GAS2L3: variants seen among roughly 807,000 people sequenced by gnomAD.
GAS2L3 encodes the protein GAS2-like protein 3.
A neutral mutation model predicts 37.0 loss-of-function variants in GAS2L3; 28 were observed. The observed-to-expected ratio is 0.76, with a 90% CI of 0.56 to 1.04. GAS2L3 has a LOEUF of 1.04. GAS2L3 is among the 50% of genes least tolerant of loss of function. The pLI is 0.00. For missense variants in GAS2L3, 793 were observed against 817.6 expected (o/e 0.97, Z 0.37); for synonymous variants, 290 against 296.6 (o/e 0.98, Z 0.23).
At chr12:100,574,428 C>A (rs981210398) in intron 1 of GAS2L3, among the ~76,000 whole-genome samples, 55 of 152,302 alleles carry the variant, frequency 3.6e-4, no homozygotes, top group African/African-American at 1.2e-3. Context: ...CCGCCCACAA[C>A]CCTCAGTTTG....
chr12:100,588,347 C>G (rs926886981), intron 1 of GAS2L3, among the ~76,000 whole-genome samples: 2 of 152,142 alleles, frequency 1.3e-5, no homozygotes, highest in Admixed American at 1.3e-4. Context: ...GTGATGCCCT[C>G]CTGAGTCTCA....
intron 1 of GAS2L3, among the ~76,000 whole-genome samples, chr12:100,589,920 A>G (rs1457565432): frequency 6.6e-6 from 1 of 152,236 alleles, no homozygotes; most frequent in African/African-American, 2.4e-5. Flanking sequence ...CTCAAGATGG[A>G]TTAAGGATTT....
At chr12:100,618,188 T>C (rs1436229938) in intron 7 of GAS2L3, among the ~76,000 whole-genome samples, 1 of 152,150 alleles carries the variant, frequency 6.6e-6, no homozygotes, top group Non-Finnish European at 1.5e-5. Flanking sequence ...ACTCAGCAGC[T>C]GATTCGAAAG....
chr12:100,579,542 G>A (rs909740237), intron 1 of GAS2L3: 132 of 774,198 alleles, frequency 1.7e-4, no homozygotes, highest in Non-Finnish European at 6.3e-5. Flanking sequence ...AGGGACCAAA[G>A]AGAATCATTT....
chr12:100,622,576 T>TTA (rs1555203997), intron 9 of GAS2L3, among the ~76,000 whole-genome samples, 194 bp downstream of exon 9: 1 of 150,840 alleles, frequency 6.6e-6, no homozygotes, highest in African/African-American at 2.4e-5. Context: ...TAAACACTCA[T>TTA]CACAGCAAAC....
intron 8 of GAS2L3, among the ~76,000 whole-genome samples, chr12:100,619,150 C>G (rs1029962396): frequency 6.6e-6 from 1 of 151,344 alleles, no homozygotes; most frequent in Non-Finnish European, 1.5e-5. Flanking sequence ...GTATATTGAT[C>G]CTTGCAGAAT....
chr12:100,575,668 CG>C (rs1252470720), intron 1 of GAS2L3, among the ~76,000 whole-genome samples: 1 of 151,702 alleles, frequency 6.6e-6, no homozygotes, highest in African/African-American at 2.4e-5. Context: ...TTGGTAGACA[CG>C]GGGTTTCACC....
intron 1 of GAS2L3, among the ~76,000 whole-genome samples, chr12:100,581,817 C>T (rs566329085): frequency 9.2e-5 from 14 of 152,130 alleles, no homozygotes; most frequent in African/African-American, 2.6e-4. Flanking sequence ...GGCATACCAC[C>T]GTTTTTTCCT....
intron 1 of GAS2L3, among the ~76,000 whole-genome samples, chr12:100,586,138 A>G (rs924880505): frequency 2.6e-5 from 4 of 152,220 alleles, no homozygotes; most frequent in Admixed American, 2.0e-4. Flanking sequence ...AGGGACTTCA[A>G]TAAACCACTG....
rs778333235 is a variant in GAS2L3, at chr12:100,601,690, A to G, written c.240A>G (p.Leu80=). The G allele has an allele frequency of 3.1e-6, 5 of 1,605,420 alleles. No individual in the cohort carries two copies. The highest frequency in any genetic ancestry group is 1.3e-5 in the African/African-American group (1 of 74,826). The part of the protein sequence containing the change: ...KLLEELDNGV[L]LCQLIDVLQN... ...TGGAAGAACTTGATAATGGAGTACT[A>G]TTATGTCAACTGATTGATGTTCTTC... is the stretch of plus-strand genomic sequence containing the variant. The change falls in exon 5 of 10, where the codon CTA becomes CTG. Residue 80 remains leucine, a synonymous_variant. Coordinates refer to ENST00000547754, the MANE Select transcript of GAS2L3 (RefSeq NM_174942.3).
At chr12:100,585,534 G>A (rs372146734) in intron 1 of GAS2L3, among the ~76,000 whole-genome samples, 8 of 152,050 alleles carry the variant, frequency 5.3e-5, no homozygotes, top group African/African-American at 1.4e-4. Flanking sequence ...GATTACAGGC[G>A]TGAGCCACCA....
chr12:100,606,762 A>T (rs1414133848), intron 5 of GAS2L3, among the ~76,000 whole-genome samples: 1 of 152,092 alleles, frequency 6.6e-6, no homozygotes, highest in Non-Finnish European at 1.5e-5. Flanking sequence ...AAGAAAACTA[A>T]TAAAAACTCT....
At chr12:100,619,084 GTGTT>G (rs1390102736) in intron 8 of GAS2L3, among the ~76,000 whole-genome samples, 1 of 152,030 alleles carries the variant, frequency 6.6e-6, no homozygotes, top group Non-Finnish European at 1.5e-5. Flanking sequence ...GAATTAGTGA[GTGTT>G]TGTGTGTGAG....
At position 100,622,352 on chromosome 12, in the gene GAS2L3, C is replaced by T. The variant is rs1360829891; in HGVS notation, c.726C>T (p.Tyr242=). The T allele has an allele frequency of 7.0e-6, 11 of 1,582,540 alleles. No homozygotes were observed. The highest frequency in any genetic ancestry group is 8.7e-6 in the Non-Finnish European group (10 of 1,152,692). The change falls in exon 9 of 10, where the codon TAC becomes TAT. Residue 242 remains tyrosine, a synonymous_variant. Transcript: ENST00000547754. ...TTGAGTATTTATCTGAAGGACGGTA[C>T]CGACTAGGGGATAAAATACTCTTTA... ...FSIEYLSEGR[Y]RLGDKILFIR...
Position 100,612,033 on chromosome 12 carries a change from G to C in GAS2L3, c.337G>C (p.Asp113His), listed in dbSNP as rs1257202698. 2 of 1,611,570 alleles carry C rather than the reference G, an allele frequency of 1.2e-6. No individual in the cohort carries two copies. The highest frequency in any genetic ancestry group is 1.7e-4 in the Middle Eastern group (1 of 6,060). ...AATGAGAAAAGTGCCCTGTAAGAAA[G>C]ATGCTGCATCAGGTTCATTCTTTGC... The part of the protein sequence containing the change: ...FPMRKVPCKK[D>H]AASGSFFARD... The change falls in exon 6 of 10, where the codon GAT becomes CAT. Residue 113 changes from aspartate to histidine, a missense_variant. Coordinates refer to ENST00000547754, the MANE Select transcript of GAS2L3 (RefSeq NM_174942.3).
intron 1 of GAS2L3, among the ~76,000 whole-genome samples, chr12:100,577,931 A>G (rs1955658793): frequency 6.6e-6 from 1 of 152,254 alleles, no homozygotes; most frequent in Non-Finnish European, 1.5e-5. Flanking sequence ...GTAAGAGTCA[A>G]GAGACAGGGC....
Position 100,601,712 on chromosome 12 carries a change from C to CT in GAS2L3, c.264dup (p.Gln89SerfsTer10). ...ACTATTATGTCAACTGATTGATGTT[C>CT]TTCAAAACATGGTGAAAACATGCAA... On this transcript the variant is annotated frameshift_variant, in exon 5 of 10. Coordinates refer to ENST00000547754, the MANE Select transcript of GAS2L3 (RefSeq NM_174942.3). LOFTEE classifies it high-confidence loss of function. 6.2e-7 allele frequency: 1 copy of CT among 1,602,098 alleles called. No homozygotes were observed. Among genetic ancestry groups the CT allele is most frequent in the Non-Finnish European group, 8.5e-7 (1 of 1,172,318 alleles).
At chr12:100,602,124 T>G (rs898057937) in intron 5 of GAS2L3, among the ~76,000 whole-genome samples, 3 of 152,130 alleles carry the variant, frequency 2.0e-5, no homozygotes, top group Non-Finnish European at 4.4e-5. Context: ...AACTTCCTTG[T>G]AGAATTGTTG....
chr12:100,575,131 T>A (rs1197910008), intron 1 of GAS2L3, among the ~76,000 whole-genome samples: 1 of 152,118 alleles, frequency 6.6e-6, no homozygotes, highest in Non-Finnish European at 1.5e-5. Flanking sequence ...CCTACTTTAT[T>A]GAGAGGATTG....
Sources: gnomAD v4.1 joint callset for allele counts (sites outside exome capture counted in the v4.1 genomes callset) on GRCh38, gnomAD v4.1.1 for gene constraint, MANE v1.5 for transcripts, NCBI Gene and HGNC (gene_info 2026-07-23, HGNC 2026-07-21) for gene names.